CYP3A5: variants seen among roughly 807,000 people sequenced by gnomAD.
The protein encoded by CYP3A5 is cytochrome P450 3A5.
In CYP3A5, 51 loss-of-function variants were observed where a neutral mutation model predicts 55.9. The ratio of observed to expected loss-of-function variants is 0.91; its 90% CI spans 0.73 to 1.15. CYP3A5 has a LOEUF of 1.15. CYP3A5 is among the 50% of genes most tolerant of loss of function. CYP3A5 has a pLI of 0.00. For missense variants in CYP3A5, 533 were observed against 596.6 expected (o/e 0.89, Z 1.11); for synonymous variants, 196 against 213.9 (o/e 0.92, Z 0.73).
intron 11 of CYP3A5, among the ~76,000 whole-genome samples, chr7:99,651,374 A>G (rs1415479393): frequency 1.3e-5 from 2 of 152,210 alleles, no homozygotes; most frequent in African/African-American, 4.8e-5. Flanking sequence ...CAAGTTCCTG[A>G]CACATGGCAA....
At position 99,664,024 on chromosome 7, in the gene CYP3A5, A is replaced by C; in HGVS notation, c.742T>G (p.Phe248Val). ...ATTCTGTTTACAGATTTACTTAAAA[A>C]ATTTATGGTATCTTTTGGAAACAGA... ...VSLFPKDTIN[F>V]LSKSVNRMKK... The change falls in exon 8 of 13, where the codon TTT (phenylalanine) becomes GTT (valine). Residue 248 changes from phenylalanine to valine, a missense_variant. Transcript: ENST00000222982. 1.9e-6 allele frequency: 3 copies of C among 1,601,200 alleles called. No individual in the cohort carries two copies. Among genetic ancestry groups the C allele is most frequent in the South Asian group, 1.1e-5 (1 of 87,148 alleles).
intron 1 of CYP3A5, 169 bp from the exon 2 acceptor site, chr7:99,676,377 C>G: frequency 6.6e-7 from 1 of 1,521,002 alleles, no homozygotes; most frequent in South Asian, 1.1e-5. Flanking sequence ...AGGTCCTTTC[C>G]TGACTATTCT....
chr7:99,664,901 T>C (rs768497643), intron 7 of CYP3A5, among the ~76,000 whole-genome samples: 2 of 152,094 alleles, frequency 1.3e-5, no homozygotes, highest in Non-Finnish European at 2.9e-5. Context: ...GTGTCCAGAA[T>C]AGGCAAATCT....
At chr7:99,678,257 C>T (rs965601894) in intron 1 of CYP3A5, among the ~76,000 whole-genome samples, 1 of 152,212 alleles carries the variant, frequency 6.6e-6, no homozygotes, top group Non-Finnish European at 1.5e-5. Flanking sequence ...AGATGCCAAC[C>T]TGTTTGCCCT....
At position 99,669,196 on chromosome 7, in the gene CYP3A5, G is replaced by A. The variant is rs3800958; in HGVS notation, c.319-2131C>T. ...AGTGGACAAATGACTTTTTCTTGTT[G>A]AGGCAAATAGCGAAGCACTCTGCTT... On this transcript the variant is annotated intron_variant, in intron 4 of 12. Coordinates refer to ENST00000222982, the MANE Select transcript of CYP3A5 (RefSeq NM_000777.5). Among the ~76,000 whole-genome samples the A allele has an allele frequency of 1.6e-4, 24 of 152,302 alleles. 1 individual carries two copies. In the East Asian group the frequency reaches 4.6e-3, roughly 29 times the overall value.
At chr7:99,659,058 G>C (rs1200062475) in intron 10 of CYP3A5, 2 of 152,036 alleles carry the variant, frequency 1.3e-5, no homozygotes, top group Non-Finnish European at 2.9e-5. Context: ...TAGTTTGATC[G>C]TCTGAAGCCT....
chr7:99,663,959 A>T lies in CYP3A5; in HGVS notation c.798+9T>A. 4 of 1,577,212 alleles carry T rather than the reference A, an allele frequency of 2.5e-6. No individual in the cohort carries two copies. Among genetic ancestry groups the T allele is most frequent in the Non-Finnish European group, 1.7e-6 (2 of 1,169,824 alleles). On this transcript the variant is annotated intron_variant, in intron 8 of 12. Coordinates refer to ENST00000222982, the MANE Select transcript of CYP3A5 (RefSeq NM_000777.5). The stretch of plus-strand genomic sequence containing the variant: ...TAAACATCGTCATTTAACCACCATC[A>T]GATTTTACCTTTTGTTTGTCGTTGA...
chr7:99,673,416 T>A (rs1020921404), intron 3 of CYP3A5, among the ~76,000 whole-genome samples: 6 of 152,178 alleles, frequency 3.9e-5, no homozygotes, highest in Admixed American at 6.5e-5. Context: ...AAAATCACAG[T>A]CCATCAGCCC....
At chr7:99,660,421 T>C in intron 10 of CYP3A5, 78 bp downstream of exon 10, 4 of 1,497,636 alleles carry the variant, frequency 2.7e-6, no homozygotes, top group Non-Finnish European at 2.7e-6. Context: ...TTTATAAAAA[T>C]TCTCCTGGGG....
intron 8 of CYP3A5, chr7:99,663,572 A>G: frequency 2.0e-6 from 2 of 993,868 alleles, no homozygotes; most frequent in South Asian, 9.2e-5. Flanking sequence ...TTAATTGCAG[A>G]ATATGTAAAA....
Position 99,648,306 on chromosome 7 carries a change from C to G in CYP3A5, c.1508G>C (p.Ter503SerextTer30). The change falls in exon 13 of 13, where the codon TGA becomes TCA. Residue 503 changes from the stop codon to serine (S), a stop_lost. Coordinates refer to ENST00000222982, the MANE Select transcript of CYP3A5 (RefSeq NM_000777.5). ...CAAAGTAGAAATCCTTAGAATAACT[C>G]ATTCTCCACTTAGGGTTCCATCTCT... ...DSRDGTLSGE[*>S] The G allele has an allele frequency of 6.2e-7, 1 of 1,611,640 alleles. No homozygotes were observed. The highest frequency in any genetic ancestry group is 8.5e-7 in the Non-Finnish European group (1 of 1,178,566).
chr7:99,660,175 C>G (rs1326025225), intron 10 of CYP3A5: 2 of 959,784 alleles, frequency 2.1e-6, no homozygotes, highest in African/African-American at 3.8e-5. Flanking sequence ...GAGCTGTAGA[C>G]TGGAGCTGTT....
chr7:99,652,674 T>C lies in CYP3A5; in HGVS notation c.1132A>G (p.Lys378Glu), dbSNP rs767912471. The C allele has an allele frequency of 5.0e-6, 8 of 1,614,036 alleles. No homozygotes were observed. The African/African-American group carries it at 6.7e-5, about 13-fold the overall frequency. ...PVAIRLERTCKKDVEINGVFI... is the reference protein window; with the variant it reads ...PVAIRLERTCEKDVEINGVFI... ...ACCCCATTGATTTCAACATCTTTCT[T>C]GCAAGTCCTCTCAAGTCTAATAGCA... Residue 378 changes from lysine (K) to glutamate (E), a missense_variant, in exon 11 of 13, where the codon AAG becomes GAG. Transcript: ENST00000222982.
At position 99,652,653 on chromosome 7, in the gene CYP3A5, C is replaced by T. The variant is rs1437377370; in HGVS notation, c.1153G>A (p.Gly385Arg). 1 of 1,613,950 alleles carries T rather than the reference C, an allele frequency of 6.2e-7. No homozygotes were observed. Among genetic ancestry groups the T allele is most frequent in the Non-Finnish European group, 8.5e-7 (1 of 1,179,996 alleles). Residue 385 changes from glycine (G) to arginine (R), a missense_variant, in exon 11 of 13, where the codon GGG (glycine) becomes AGG (arginine). Physicochemically the swap from Gly to Arg is moderately radical, Grantham distance 125. Coordinates refer to ENST00000222982, the MANE Select transcript of CYP3A5 (RefSeq NM_000777.5). ...ATTGACCCTTTGGGAATGAATACCC[C>T]ATTGATTTCAACATCTTTCTTGCAA... is the stretch of plus-strand genomic sequence containing the variant. ...RTCKKDVEIN[G>R]VFIPKGSMVV...
chr7:99,650,314 A>G (rs888746199), intron 11 of CYP3A5, 82 bp from the exon 12 acceptor site: 16 of 1,333,898 alleles, frequency 1.2e-5, no homozygotes, highest in East Asian at 2.3e-5. Flanking sequence ...ACTTAAGAAC[A>G]ACCCCCCTCC....
At chr7:99,657,165 T>A (rs1486691983) in intron 10 of CYP3A5, among the ~76,000 whole-genome samples, 1 of 152,226 alleles carries the variant, frequency 6.6e-6, no homozygotes, top group Non-Finnish European at 1.5e-5. Flanking sequence ...GTTCTTTTCA[T>A]TGTGATGTTA....
At chr7:99,655,067 A>G (rs1809571329) in intron 10 of CYP3A5, among the ~76,000 whole-genome samples, 1 of 152,118 alleles carries the variant, frequency 6.6e-6, no homozygotes, top group African/African-American at 2.4e-5. Flanking sequence ...TGCTGTGCAG[A>G]AGCTCTTTAG....
At chr7:99,664,237 C>T in intron 7 of CYP3A5, 142 bp from the exon 8 acceptor site, 1 of 791,660 alleles carries the variant, frequency 1.3e-6, no homozygotes, top group East Asian at 2.8e-5. Context: ...CATGTTTGCC[C>T]TTCTTTCAGG....
rs376141298 is a variant in CYP3A5, at chr7:99,664,077, G to A, written c.689C>T (p.Thr230Ile). ...GACATTTAATGCTTCAAAAACTGGG[G>A]TAAGGAATGGAAAGAGTACTGTGGG... is the stretch of plus-strand genomic sequence containing the variant. ...FLSIILFPFL[T>I]PVFEALNVSL... The change falls in exon 8 of 13, where the codon ACC becomes ATC. Residue 230 changes from threonine (T) to isoleucine (I), a missense_variant. Transcript: ENST00000222982. 7 of 1,589,652 alleles carry A rather than the reference G, an allele frequency of 4.4e-6. No individual in the cohort carries two copies. The highest frequency in any genetic ancestry group is 4.1e-5 in the African/African-American group (3 of 73,100).
Sources: allele counts gnomAD v4.1 joint callset (sites outside exome capture counted in the v4.1 genomes callset), GRCh38; gene constraint gnomAD v4.1.1; transcripts MANE v1.5; gene names NCBI Gene and HGNC (gene_info 2026-07-23, HGNC 2026-07-21).